Variants in DUOX1 observed in about 807,000 individuals in gnomAD.
DUOX1 encodes the protein NADPH thyroid oxidase 1.
DUOX1 carries 134 observed loss-of-function variants against 181.8 expected under a neutral mutation model. The observed-to-expected ratio is 0.74, with a 90% confidence interval of 0.64 to 0.85. DUOX1 has a LOEUF of 0.85. DUOX1 is among the 40% of genes least tolerant of loss of function. DUOX1 has a pLI of 0.00. For synonymous variants in DUOX1, 798 were observed against 832.5 expected (o/e 0.96, Z 0.71); for missense variants, 1,814 against 2,064.4 (o/e 0.88, Z 2.35).
chr15:45,131,667 G>T, intron 1 of DUOX1: 1 of 429,476 alleles, frequency 2.3e-6, no homozygotes, highest in Non-Finnish European at 4.3e-6. Flanking sequence ...ATGAAGGTAT[G>T]TACCAGGGAT....
At chr15:45,160,098 G>A (rs1897060830) in intron 28 of DUOX1, among the ~76,000 whole-genome samples, 1 of 152,292 alleles carries the variant, frequency 6.6e-6, no homozygotes, top group East Asian at 1.9e-4. Flanking sequence ...GTTGCAGTGA[G>A]CTAAGATCAT....
At chr15:45,154,595 G>GTT (rs1193223968) in intron 27 of DUOX1, among the ~76,000 whole-genome samples, 57,403 of 139,832 alleles carry the variant, frequency 0.41, 13,475 homozygotes, top group Non-Finnish European at 0.54. Context: ...ACACAGCATG[G>GTT]TTTTTTTTTT....
At chr15:45,151,342 T>C in intron 23 of DUOX1, 94 bp downstream of exon 23, 2 of 1,506,856 alleles carry the variant, frequency 1.3e-6, no homozygotes, top group Admixed American at 2.0e-5. Flanking sequence ...TGCTAAACAT[T>C]GTGGGTACAG....
At chr15:45,151,835 C>A (rs1332342852) in intron 23 of DUOX1, 39 bp from the exon 24 acceptor site, 1 of 1,587,928 alleles carries the variant, frequency 6.3e-7, no homozygotes, top group Non-Finnish European at 8.6e-7. Flanking sequence ...CGTTGGGTCC[C>A]ATGGTGGGTG....
intron 30 of DUOX1, 74 bp downstream of exon 30, chr15:45,162,044 T>A: frequency 1.3e-6 from 2 of 1,485,732 alleles, no homozygotes; most frequent in Non-Finnish European, 1.8e-6. Context: ...AGCACTAGAC[T>A]CCCCGCTCTG....
chr15:45,134,610 G>A (rs1356377839), intron 4 of DUOX1, among the ~76,000 whole-genome samples: 1 of 152,188 alleles, frequency 6.6e-6, no homozygotes, highest in African/African-American at 2.4e-5. Flanking sequence ...GGTAGAGGCA[G>A]AAACATGAAA....
chr15:45,144,151 G>C lies in DUOX1; in HGVS notation c.2052G>C (p.Gln684His). The C allele has an allele frequency of 6.2e-7, 1 of 1,614,154 alleles. No homozygotes were observed. Among genetic ancestry groups the C allele is most frequent in the Non-Finnish European group, 8.5e-7 (1 of 1,180,054 alleles). The change falls in exon 17 of 34, where the codon CAG becomes CAC. Residue 684 changes from glutamine (Q) to histidine (H), a missense_variant. Physicochemically the swap from Gln to His is conservative, Grantham distance 24. This residue lies in a region of DUOX1 where 1,064 missense variants were observed against 1,152.9 expected (regional missense o/e 0.92). Coordinates refer to ENST00000389037, the MANE Select transcript of DUOX1 (RefSeq NM_175940.3). ...CCGTGCTCCGCACCATCCAGCTGCA[G>C]CCTCCACAGAAGGTCAACTTCGTCC... The part of the protein sequence containing the change: ...RLTVLRTIQL[Q>H]PPQKVNFVLS...
In DUOX1 at chr15:45,135,101, C is replaced by G; in HGVS notation, c.308-3C>G. The G allele has an allele frequency of 1.2e-6, 2 of 1,613,572 alleles. No individual in the cohort carries two copies. The highest frequency in any genetic ancestry group is 3.3e-5 in the Admixed American group (2 of 59,998). On this transcript the variant is annotated splice_region_variant and splice_polypyrimidine_tract_variant and intron_variant, in intron 4 of 33. Transcript: ENST00000389037. Reference sequence around the variant, plus strand: ...CTAGCACCCCCTCCTGCACTGCCCGCAGGCTATCACGTGCTTTCAGACCTG... The same window carrying G: ...CTAGCACCCCCTCCTGCACTGCCCGGAGGCTATCACGTGCTTTCAGACCTG...
intron 9 of DUOX1, among the ~76,000 whole-genome samples, chr15:45,137,360 CAAAAA>C (rs748162336): frequency 1.1e-4 from 5 of 46,470 alleles, no homozygotes; most frequent in Admixed American, 3.3e-4. Flanking sequence ...AACTCCATCT[CAAAAA>C]AAAAAAAAAA....
chr15:45,161,060 C>A, intron 29 of DUOX1, 70 bp downstream of exon 29: 1 of 1,600,472 alleles, frequency 6.2e-7, no homozygotes, highest in Non-Finnish European at 8.5e-7. Context: ...GAGTCTAGAC[C>A]GCACAGTCTC....
rs928166495 is a variant in DUOX1, at chr15:45,136,519, A to G, written c.926-10A>G. On this transcript the variant is annotated splice_polypyrimidine_tract_variant and intron_variant, in intron 8 of 33. Transcript: ENST00000389037. ...AAATTCTTCTGTCCTCTCTTCTCCT[A>G]TTTCCCCAGGATACCGGCCATTTCT... 5 of 1,613,968 alleles carry G rather than the reference A, an allele frequency of 3.1e-6. No homozygotes were observed. The highest frequency in any genetic ancestry group is 2.7e-5 in the African/African-American group (2 of 74,986).
chr15:45,152,183 G>A, intron 24 of DUOX1, 103 bp from the exon 25 acceptor site: 1 of 1,467,534 alleles, frequency 6.8e-7, no homozygotes, highest in Admixed American at 2.0e-5. Flanking sequence ...GACTGTGCGG[G>A]GGAGGCCTGT....
Position 45,135,145 on chromosome 15 carries a change from G to T in DUOX1, c.349G>T (p.Gly117Cys). Residue 117 changes from glycine to cysteine, a missense_variant, in exon 5 of 34, where the codon GGC becomes TGC. Physicochemically the swap from Gly to Cys is radical, Grantham distance 159 (BLOSUM62 -3). This residue lies in a region of DUOX1 where 320 missense variants were observed against 313.1 expected (regional missense o/e 1.02). Coordinates refer to ENST00000389037, the MANE Select transcript of DUOX1 (RefSeq NM_175940.3). The stretch of plus-strand genomic sequence containing the variant: ...AGACCTGGTGAGCGTGGAAACTCCC[G>T]GCTGCCCCGCCGAGTTCCTCAACAT... ...LSDLVSVETP[G>C]CPAEFLNIRI... 1.2e-6 allele frequency: 2 copies of T among 1,613,756 alleles called. No homozygotes were observed. The highest frequency in any genetic ancestry group is 1.7e-6 in the Non-Finnish European group (2 of 1,179,926).
At chr15:45,144,752 AG>A (rs1240207265) in intron 17 of DUOX1, 142 bp from the exon 18 acceptor site, 1 of 845,576 alleles carries the variant, frequency 1.2e-6, no homozygotes, top group East Asian at 2.5e-5. Flanking sequence ...AACCCTACTG[AG>A]CCCCTTTCCT....
At chr15:45,149,479 G>T (rs1896750412) in intron 21 of DUOX1, among the ~76,000 whole-genome samples, 1 of 152,232 alleles carries the variant, frequency 6.6e-6, no homozygotes. Flanking sequence ...GATTGAGGAA[G>T]ATTAGCACTG....
Position 45,134,739 on chromosome 15 carries a change from G to A in DUOX1, c.308-365G>A, listed in dbSNP as rs922511022. On this transcript the variant is annotated intron_variant, in intron 4 of 33. Transcript: ENST00000389037. ...AGTGGACTGAGGGGAAGTCAAAGTG[G>A]GGGTGCTAGGATGGCTTGACCCCAG... 1.3e-5 allele frequency among the ~76,000 whole-genome samples: 2 copies of A among 152,170 alleles called. 1 individual carries two copies. The highest frequency in any genetic ancestry group is 1.3e-4 in the Admixed American group (2 of 15,286).
intron 31 of DUOX1, among the ~76,000 whole-genome samples, chr15:45,163,254 TGAAA>T (rs1316304257): frequency 2.0e-5 from 3 of 152,184 alleles, no homozygotes; most frequent in Non-Finnish European, 4.4e-5. Flanking sequence ...AGGCTGAGCA[TGAAA>T]GCTGCTTCCC....
intron 18 of DUOX1, among the ~76,000 whole-genome samples, chr15:45,145,830 A>C (rs1190968150): frequency 6.6e-6 from 1 of 151,784 alleles, no homozygotes; most frequent in Non-Finnish European, 1.5e-5. Flanking sequence ...CAGGAGAATC[A>C]CTTGAACCTG....
intron 27 of DUOX1, among the ~76,000 whole-genome samples, chr15:45,155,247 C>T (rs1896942004): frequency 6.6e-6 from 1 of 152,176 alleles, no homozygotes; most frequent in African/African-American, 2.4e-5. Flanking sequence ...AGGAAAGTGA[C>T]AGACAAAAAC....
Sources: allele counts gnomAD v4.1 joint callset (sites outside exome capture counted in the v4.1 genomes callset), GRCh38; gene constraint gnomAD v4.1.1; regional missense constraint gnomAD v4.1.1; transcripts MANE v1.5; gene names NCBI Gene and HGNC (gene_info 2026-07-23, HGNC 2026-07-21).